Variants in SCAPER observed in about 807,000 individuals in gnomAD.
SCAPER encodes the protein S-phase cyclin A associated protein in the ER.
SCAPER carries 98 observed loss-of-function variants against 182.2 expected under a neutral mutation model. The ratio of observed to expected loss-of-function variants is 0.54; its 90% CI spans 0.46 to 0.64. The LOEUF is 0.64. Among genes scored for constraint, SCAPER ranks in the 30% least tolerant of loss-of-function variants. SCAPER has a pLI of 0.00. For synonymous variants in SCAPER, 605 were observed against 564.6 expected (o/e 1.07, Z -1.01); for missense variants, 1,432 against 1,690.0 (o/e 0.85, Z 2.68).
At chr15:76,501,183 T>C (rs926628540) in intron 24 of SCAPER, among the ~76,000 whole-genome samples, 10 of 152,120 alleles carry the variant, frequency 6.6e-5, no homozygotes, top group African/African-American at 2.4e-4. Context: ...GATTTTGTAA[T>C]AACACATCCT....
Position 76,665,649 on chromosome 15 carries a change from G to T in SCAPER, c.2645+4C>A. The T allele has an allele frequency of 6.3e-7, 1 of 1,584,462 alleles. No homozygotes were observed. The highest frequency in any genetic ancestry group is 1.2e-5 in the South Asian group (1 of 84,570). On this transcript the variant is annotated splice_donor_region_variant and intron_variant, in intron 21 of 31. Coordinates refer to ENST00000563290, the MANE Select transcript of SCAPER (RefSeq NM_020843.4). ...TCTTTTGCTTTTAAGGGTATTTAAG[G>T]TACCTGAAGTTCATCCGGGCTTTTA...
At chr15:76,749,151 A>G (rs1294408936) in intron 15 of SCAPER, among the ~76,000 whole-genome samples, 1 of 150,726 alleles carries the variant, frequency 6.6e-6, no homozygotes, top group Non-Finnish European at 1.5e-5. Flanking sequence ...CACAAAAATG[A>G]TAATATACTA....
chr15:76,637,796 G>A lies in SCAPER; in HGVS notation c.2646-15967C>T, dbSNP rs1029374568. ...TGTGTGTGTGTGTGTGTGTGTGTGT[G>A]TGTATGTATATATATATTCCACCCA... On this transcript the variant is annotated intron_variant, in intron 21 of 31. Coordinates refer to ENST00000563290, the MANE Select transcript of SCAPER (RefSeq NM_020843.4). 2.7e-3 allele frequency among the ~76,000 whole-genome samples: 202 copies of A among 76,144 alleles called. 5 individuals are homozygous for A. The highest frequency in any genetic ancestry group is 5.1e-3 in the Admixed American group (33 of 6,486). The allele number at this position is 76,144 out of a possible 152,430, so 50.0% of individuals were successfully genotyped here. A position where few individuals can be genotyped will look rare whatever the true frequency, so the allele number is the denominator to read the frequency against.
At chr15:76,606,181 C>T (rs2050378159) in intron 22 of SCAPER, among the ~76,000 whole-genome samples, 1 of 152,210 alleles carries the variant, frequency 6.6e-6, no homozygotes, top group African/African-American at 2.4e-5. Flanking sequence ...TCCCTCTACA[C>T]ACTGCTTTGA....
At position 76,668,734 on chromosome 15, in the gene SCAPER, G is replaced by A. The variant is rs117067662; in HGVS notation, c.2509-2945C>T. On this transcript the variant is annotated intron_variant, in intron 20 of 31. Transcript: ENST00000563290. The stretch of plus-strand genomic sequence containing the variant: ...CAAACATAAGTTTCCCAAGGGCAAT[G>A]ACTTTGTCTGTTTTGTTCACTGATG... Among the ~76,000 whole-genome samples the A allele has an allele frequency of 9.2e-5, 14 of 152,250 alleles. 1 individual carries two copies. In the East Asian group the frequency reaches 2.5e-3, roughly 27 times the overall value.
Position 76,615,504 on chromosome 15 carries a change from C to G in SCAPER, c.2711+6260G>C, listed in dbSNP as rs796926622. Among the ~76,000 whole-genome samples the G allele has an allele frequency of 1.3e-3, 183 of 145,890 alleles. 2 individuals are homozygous for G. Among genetic ancestry groups the G allele is most frequent in the East Asian group, 0.012 (61 of 5,110 alleles). ...ACACACACACACAGACACACACACA[C>G]ACACACACACACACACACACACACA... is the stretch of plus-strand genomic sequence containing the variant. On this transcript the variant is annotated intron_variant, in intron 22 of 31. Coordinates refer to ENST00000563290, the MANE Select transcript of SCAPER (RefSeq NM_020843.4).
intron 4 of SCAPER, 28 bp downstream of exon 4, chr15:76,857,781 A>G (rs2071528493): frequency 7.3e-7 from 1 of 1,367,118 alleles, no homozygotes; most frequent in Non-Finnish European, 9.9e-7. Flanking sequence ...TTAAAAGTAA[A>G]TAAGTAAAAA....
At chr15:76,543,140 T>C (rs189040666) in intron 23 of SCAPER, among the ~76,000 whole-genome samples, 16 of 152,310 alleles carry the variant, frequency 1.1e-4, no homozygotes, top group Admixed American at 2.6e-4. Flanking sequence ...TGTAGACATT[T>C]TGAAAAAATG....
chr15:76,691,658 C>G (rs2058367275), intron 20 of SCAPER, among the ~76,000 whole-genome samples: 1 of 152,066 alleles, frequency 6.6e-6, no homozygotes, highest in African/African-American at 2.4e-5. Flanking sequence ...CATTTACAAA[C>G]AAAAGCACAA....
At chr15:76,790,961 T>A (rs1422433538) in intron 8 of SCAPER, among the ~76,000 whole-genome samples, 1 of 152,234 alleles carries the variant, frequency 6.6e-6, no homozygotes, top group Non-Finnish European at 1.5e-5. Context: ...AAAGCCTAGC[T>A]TTACCTTAAT....
intron 21 of SCAPER, among the ~76,000 whole-genome samples, chr15:76,656,086 T>C (rs2055609283): frequency 6.6e-6 from 1 of 152,156 alleles, no homozygotes. Context: ...ATGAAAATAA[T>C]GCCCTCAATT....
chr15:76,462,722 T>C (rs997335461), intron 25 of SCAPER, among the ~76,000 whole-genome samples: 2 of 152,184 alleles, frequency 1.3e-5, no homozygotes, highest in South Asian at 2.1e-4. Flanking sequence ...CATATGAATG[T>C]AGTAGAAAGG....
chr15:76,672,360 A>G (rs961349362), intron 20 of SCAPER, among the ~76,000 whole-genome samples: 1 of 152,220 alleles, frequency 6.6e-6, no homozygotes, highest in East Asian at 1.9e-4. Flanking sequence ...AAGAAAACAA[A>G]TAAGCTGAAT....
intron 20 of SCAPER, among the ~76,000 whole-genome samples, chr15:76,668,119 A>G (rs1249762345): frequency 6.6e-6 from 1 of 152,204 alleles, no homozygotes. Flanking sequence ...AGTAAACGGT[A>G]CCATCATTTG....
chr15:76,743,488 C>T (rs1000558191), intron 15 of SCAPER, among the ~76,000 whole-genome samples: 1 of 152,082 alleles, frequency 6.6e-6, no homozygotes, highest in African/African-American at 2.4e-5. Context: ...AAATCAGTAG[C>T]ATTTCTATCC....
At chr15:76,523,574 A>G (rs750323370) in intron 23 of SCAPER, among the ~76,000 whole-genome samples, 1 of 152,130 alleles carries the variant, frequency 6.6e-6, no homozygotes, top group Non-Finnish European at 1.5e-5. Flanking sequence ...TATTCACTCA[A>G]TAAACATTTT....
intron 17 of SCAPER, among the ~76,000 whole-genome samples, chr15:76,723,951 T>C (rs1021285796): frequency 2.0e-5 from 3 of 152,226 alleles, no homozygotes; most frequent in Non-Finnish European, 2.9e-5. Context: ...ACGTGTGAAT[T>C]TGATCCTGTC....
chr15:76,628,071 G>A (rs2052753653), intron 21 of SCAPER, among the ~76,000 whole-genome samples: 1 of 152,056 alleles, frequency 6.6e-6, no homozygotes, highest in Non-Finnish European at 1.5e-5. Context: ...TATGTTTGTT[G>A]GCCGCATGAA....
At chr15:76,742,494 A>AAAG (rs1567986942) in intron 15 of SCAPER, among the ~76,000 whole-genome samples, 1 of 108,662 alleles carries the variant, frequency 9.2e-6, no homozygotes, top group Admixed American at 1.1e-4. Context: ...AAAAAAAAAA[A>AAAG]GAATAAAAAT....
Sources: gnomAD v4.1 joint callset for allele counts (sites outside exome capture counted in the v4.1 genomes callset) on GRCh38, gnomAD v4.1.1 for gene constraint, MANE v1.5 for transcripts, NCBI Gene and HGNC (gene_info 2026-07-23, HGNC 2026-07-21) for gene names.